The following CDC42BPA variants were observed in gnomAD, a reference collection of about 807,000 sequenced individuals.
The protein encoded by CDC42BPA is serine/threonine-protein kinase MRCK alpha.
Under a neutral mutation model 223.5 loss-of-function variants are expected in CDC42BPA, and 80 were observed. That is an observed-to-expected ratio of 0.36 (90% CI 0.30 to 0.43). The LOEUF (loss-of-function observed/expected upper bound fraction) is 0.43. CDC42BPA is among the 20% of genes least tolerant of loss of function. The probability of loss-of-function intolerance (pLI) is 1.00; values close to 1 mark genes in which losing one functional copy is unlikely to be tolerated. For missense variants in CDC42BPA, 1,743 were observed against 2,099.9 expected (o/e 0.83, Z 3.32); for synonymous variants, 694 against 718.6 (o/e 0.97, Z 0.55).
At chr1:227,264,890 T>C (rs1684716403) in intron 1 of CDC42BPA, 1 of 1,488,974 alleles carries the variant, frequency 6.7e-7, no homozygotes, top group Non-Finnish European at 9.4e-7. Context: ...TTTCAATTCC[T>C]CTTCTGAAAC....
intron 6 of CDC42BPA, among the ~76,000 whole-genome samples, chr1:227,156,801 A>G (rs750616305): frequency 6.6e-6 from 1 of 152,174 alleles, no homozygotes; most frequent in Non-Finnish European, 1.5e-5. Flanking sequence ...TGTAATATGC[A>G]GGACTGGAGA....
chr1:227,179,039 T>C (rs1206334036), intron 5 of CDC42BPA, among the ~76,000 whole-genome samples: 2 of 152,152 alleles, frequency 1.3e-5, no homozygotes, highest in Admixed American at 1.3e-4. Flanking sequence ...CATGACTGAA[T>C]CTTGAAAACA....
In CDC42BPA at chr1:227,058,299, A is replaced by T. The variant is rs539584175; in HGVS notation, c.2905-6314T>A. Among the ~76,000 whole-genome samples the T allele has an allele frequency of 2.6e-5, 4 of 152,304 alleles. No homozygotes were observed. In the South Asian group the frequency reaches 8.3e-4, roughly 32 times the overall value. On this transcript the variant is annotated intron_variant, in intron 21 of 36. Transcript: ENST00000366766. ...TGCTATATTAGAGTTATTCATGTTT[A>T]TTTTACAACCAACCCTCCAACATAC...
At chr1:227,297,967 T>TATATACAC (rs369403944) in intron 1 of CDC42BPA, among the ~76,000 whole-genome samples, 12,122 of 131,896 alleles carry the variant, frequency 0.092, 723 homozygotes, top group Middle Eastern at 0.17. Flanking sequence ...TATATACATA[T>TATATACAC]ACACACACAC....
In CDC42BPA at chr1:227,081,034, A is replaced by G; in HGVS notation, c.2356-17T>C. 2.5e-6 allele frequency: 4 copies of G among 1,612,696 alleles called. No homozygotes were observed. The highest frequency in any genetic ancestry group is 2.5e-6 in the Non-Finnish European group (3 of 1,179,366). On this transcript the variant is annotated splice_polypyrimidine_tract_variant and intron_variant, in intron 16 of 36. Coordinates refer to ENST00000366766, the MANE Select transcript of CDC42BPA (RefSeq NM_001394014.1). ...AGTAGTAAGCTGAAAGATAGTTTTA[A>G]GACATGCATGACTTTTAGGACCAAG...
At chr1:227,239,628 A>G (rs1021324581) in intron 2 of CDC42BPA, among the ~76,000 whole-genome samples, 1 of 152,162 alleles carries the variant, frequency 6.6e-6, no homozygotes, top group Non-Finnish European at 1.5e-5. Flanking sequence ...CCACTATGTC[A>G]ACTAACTGAA....
intron 11 of CDC42BPA, among the ~76,000 whole-genome samples, chr1:227,124,492 C>G (rs538366342): frequency 4.0e-5 from 6 of 151,232 alleles, no homozygotes; most frequent in African/African-American, 1.5e-4. Flanking sequence ...TTTTTTTCTT[C>G]AGAGCCAAAT....
intron 2 of CDC42BPA, among the ~76,000 whole-genome samples, chr1:227,222,684 G>A (rs897029323): frequency 6.6e-6 from 1 of 152,224 alleles, no homozygotes; most frequent in Admixed American, 6.5e-5. Flanking sequence ...GTTAGCATTA[G>A]ATCATACCCT....
chr1:227,003,165 G>A (rs887964599), intron 35 of CDC42BPA, among the ~76,000 whole-genome samples: 6 of 152,206 alleles, frequency 3.9e-5, no homozygotes, highest in African/African-American at 7.2e-5. Context: ...ATCTGCATCA[G>A]AAGACTTGAA....
intron 16 of CDC42BPA, 127 bp from the exon 17 acceptor site, chr1:227,081,144 C>T (rs916957696): frequency 2.4e-6 from 2 of 827,916 alleles, no homozygotes; most frequent in African/African-American, 3.4e-5. Flanking sequence ...ATAATAATCC[C>T]TTTTGCTCAC....
intron 2 of CDC42BPA, among the ~76,000 whole-genome samples, chr1:227,250,568 C>T (rs1427658733): frequency 1.3e-5 from 2 of 151,902 alleles, no homozygotes; most frequent in Middle Eastern, 3.2e-3. Context: ...GTTTTGTACC[C>T]TAAAAAAATG....
chr1:227,098,857 A>G (rs760667856), intron 15 of CDC42BPA, among the ~76,000 whole-genome samples: 4 of 151,964 alleles, frequency 2.6e-5, no homozygotes, highest in Non-Finnish European at 5.9e-5. Context: ...ATCAGTTGTC[A>G]CTTTTCTGCT....
intron 22 of CDC42BPA, among the ~76,000 whole-genome samples, chr1:227,049,362 A>G (rs1395344916): frequency 6.6e-6 from 1 of 152,040 alleles, no homozygotes. Context: ...GGTACCTAGG[A>G]ACAAATCTAA....
At chr1:227,049,302 G>A (rs1316908132) in intron 22 of CDC42BPA, among the ~76,000 whole-genome samples, 1 of 151,780 alleles carries the variant, frequency 6.6e-6, no homozygotes, top group East Asian at 1.9e-4. Context: ...TGCACAGTAA[G>A]AAAATGTATT....
intron 11 of CDC42BPA, among the ~76,000 whole-genome samples, chr1:227,127,028 AT>A (rs1472978460): frequency 6.6e-6 from 1 of 152,182 alleles, no homozygotes; most frequent in African/African-American, 2.4e-5. Context: ...CAAAGAATCT[AT>A]TTTTTAAAAA....
chr1:227,286,973 A>G (rs1057285427), intron 1 of CDC42BPA, among the ~76,000 whole-genome samples: 4 of 151,732 alleles, frequency 2.6e-5, no homozygotes, highest in African/African-American at 9.7e-5. Context: ...GTGAGAACTC[A>G]CACATTAACC....
chr1:227,058,284 G>C (rs568731444), intron 21 of CDC42BPA, among the ~76,000 whole-genome samples: 1 of 152,194 alleles, frequency 6.6e-6, no homozygotes, highest in South Asian at 2.1e-4. Flanking sequence ...TGCTATATTA[G>C]AGTTATTCAT....
At chr1:227,242,414 CAAT>C (rs1396261547) in intron 2 of CDC42BPA, among the ~76,000 whole-genome samples, 1 of 151,362 alleles carries the variant, frequency 6.6e-6, no homozygotes, top group Non-Finnish European at 1.5e-5. Context: ...TTCTCTATTA[CAAT>C]AATAGAGGAA....
At chr1:227,042,566 G>A (rs1254926836) in intron 23 of CDC42BPA, among the ~76,000 whole-genome samples, 2 of 152,006 alleles carry the variant, frequency 1.3e-5, no homozygotes, top group Non-Finnish European at 2.9e-5. Flanking sequence ...TTATTCTGAG[G>A]CCATCAATCT....
Sources: allele counts gnomAD v4.1 joint callset (sites outside exome capture counted in the v4.1 genomes callset), GRCh38; gene constraint gnomAD v4.1.1; transcripts MANE v1.5; gene names NCBI Gene and HGNC (gene_info 2026-07-23, HGNC 2026-07-21).